The following PCDHGA1 variants were observed in gnomAD, a reference collection of about 807,000 sequenced individuals.
PCDHGA1 encodes the protein protocadherin gamma subfamily A, 1.
PCDHGA1 carries 32 observed loss-of-function variants against 58.0 expected under a neutral mutation model. The observed-to-expected ratio is 0.55, with a 90% confidence interval of 0.42 to 0.74. The LOEUF (loss-of-function observed/expected upper bound fraction) is 0.74. PCDHGA1 is among the 30% of genes least tolerant of loss of function. The pLI is 0.00. For missense variants in PCDHGA1, 1,205 were observed against 1,182.3 expected (o/e 1.02, Z -0.28); for synonymous variants, 498 against 501.1 (o/e 0.99, Z 0.08).
At position 141,400,611 on chromosome 5, in the gene PCDHGA1, G is replaced by A. The variant is rs555600694; in HGVS notation, c.2421+67506G>A. The A allele has an allele frequency of 1.3e-5, 20 of 1,573,002 alleles. No homozygotes were observed. In the African/African-American group the frequency reaches 2.4e-4, roughly 19 times the overall value. On this transcript the variant is annotated intron_variant, in intron 1 of 3. Coordinates refer to ENST00000517417, the MANE Select transcript of PCDHGA1 (RefSeq NM_018912.3). The stretch of plus-strand genomic sequence containing the variant: ...ACTATCGTACATTTTCAAGTCCAAT[G>A]AGTTGTCTTAGGGAAGTCAGAGCTG...
intron 1 of PCDHGA1, chr5:141,419,158 C>T (rs757849297): frequency 5.0e-6 from 8 of 1,613,950 alleles, no homozygotes; most frequent in Admixed American, 1.7e-5. Context: ...CTCCGTTATC[C>T]TCCAGCAAAA....
chr5:141,387,813 A>T, intron 1 of PCDHGA1: 6 of 1,531,348 alleles, frequency 3.9e-6, no homozygotes, highest in Non-Finnish European at 5.3e-6. Flanking sequence ...GAGATCCAAA[A>T]ATCTGCAATA....
chr5:141,423,327 A>C, intron 1 of PCDHGA1: 1 of 1,614,100 alleles, frequency 6.2e-7, no homozygotes, highest in Non-Finnish European at 8.5e-7. Context: ...CGGTGGCCGC[A>C]GTCTCCTGCA....
intron 1 of PCDHGA1, chr5:141,366,310 C>A: frequency 6.2e-7 from 1 of 1,613,772 alleles, no homozygotes; most frequent in East Asian, 2.2e-5. Flanking sequence ...CCTTCACGGT[C>A]ACCGTTGCCG....
At chr5:141,371,509 A>G (rs768507307) in intron 1 of PCDHGA1, 3 of 1,613,878 alleles carry the variant, frequency 1.9e-6, no homozygotes, top group South Asian at 2.2e-5. Context: ...ATCAAAACAC[A>G]TGATCTAGAT....
At chr5:141,440,763 T>A (rs2098198978) in intron 1 of PCDHGA1, 1 of 152,138 alleles carries the variant, frequency 6.6e-6, no homozygotes, top group Admixed American at 6.6e-5. Flanking sequence ...AGAGCTCCCA[T>A]CCCTTAGTGC....
intron 1 of PCDHGA1, among the ~76,000 whole-genome samples, chr5:141,425,997 A>T (rs1365887915): frequency 6.6e-6 from 1 of 152,174 alleles, no homozygotes; most frequent in African/African-American, 2.4e-5. Context: ...GAATTAGCAA[A>T]GGCTTCCGGC....
intron 1 of PCDHGA1, chr5:141,388,607 G>A (rs943233962): frequency 6.2e-7 from 1 of 1,613,904 alleles, no homozygotes; most frequent in Non-Finnish European, 8.5e-7. Context: ...ATGCTCCAGT[G>A]TTCAGTCAAG....
At chr5:141,433,662 C>T (rs1377052782) in intron 1 of PCDHGA1, among the ~76,000 whole-genome samples, 1 of 151,950 alleles carries the variant, frequency 6.6e-6, no homozygotes, top group Non-Finnish European at 1.5e-5. Context: ...ATGGAGAAAC[C>T]CCGTCTATAC....
At chr5:141,375,187 T>A in intron 1 of PCDHGA1, 1 of 1,613,994 alleles carries the variant, frequency 6.2e-7, no homozygotes, top group Non-Finnish European at 8.5e-7. Flanking sequence ...TAATCGCCCT[T>A]TTTCAAGTGT....
Position 141,486,070 on chromosome 5 carries a change from T to C in PCDHGA1, c.2422-8737T>C. ...ACCTCTTTAGCCTGCACCCCACTAC[T>C]GGAAAGCTTACTCTTTTGGGGCCCC... On this transcript the variant is annotated intron_variant, in intron 1 of 3. Coordinates refer to ENST00000517417, the MANE Select transcript of PCDHGA1 (RefSeq NM_018912.3). The surrounding 1 kb of genome is among the most constrained non-coding windows in gnomAD (Gnocchi z 5.0). 6.2e-7 allele frequency: 1 copy of C among 1,614,158 alleles called. No homozygotes were observed. The highest frequency in any genetic ancestry group is 8.5e-7 in the Non-Finnish European group (1 of 1,180,010).
chr5:141,436,600 G>C (rs1054182433), intron 1 of PCDHGA1, among the ~76,000 whole-genome samples: 2 of 152,154 alleles, frequency 1.3e-5, no homozygotes, highest in African/African-American at 2.4e-5. Context: ...CGTGGTGATG[G>C]CTAGGGCTAA....
rs1033888717 is a variant in PCDHGA1 at position 141,512,540 on chromosome 5, T to C, written c.*1367T>C. 6.5e-6 allele frequency: 1 copy of C among 152,886 alleles called. No homozygotes were observed. Among genetic ancestry groups the C allele is most frequent in the African/African-American group, 2.4e-5 (1 of 41,476 alleles). 9.5% of individuals were successfully genotyped at this position (152,886 alleles called of 1,614,324 possible). ...CCATAGCCTGGTTAAAGTTCCCCAGTGCCTCCTTGTGCATAGACCTTCTTC... is the reference window on the plus strand; with the variant it reads ...CCATAGCCTGGTTAAAGTTCCCCAGCGCCTCCTTGTGCATAGACCTTCTTC... On this transcript the variant is annotated 3_prime_UTR_variant, in exon 4 of 4. Transcript: ENST00000517417.
intron 1 of PCDHGA1, among the ~76,000 whole-genome samples, chr5:141,401,772 G>T (rs756327304): frequency 6.6e-6 from 1 of 152,126 alleles, no homozygotes; most frequent in Non-Finnish European, 1.5e-5. Context: ...TAAGTCTTTT[G>T]CTTGGTTTCC....
At chr5:141,393,378 G>C in intron 1 of PCDHGA1, 1 of 1,613,982 alleles carries the variant, frequency 6.2e-7, no homozygotes, top group Non-Finnish European at 8.5e-7. Flanking sequence ...AGACAATGGA[G>C]CCATAAACCC....
chr5:141,386,521 A>AG (rs1458324675), intron 1 of PCDHGA1, among the ~76,000 whole-genome samples: 1 of 232 alleles, frequency 4.3e-3, no homozygotes, highest in Non-Finnish European at 0.011. Context: ...TCAAAAAAAG[A>AG]CTCTTTTTAG....
chr5:141,485,546 G>C lies in PCDHGA1; in HGVS notation c.2422-9261G>C. The C allele has an allele frequency of 6.2e-7, 1 of 1,614,074 alleles. No individual in the cohort carries two copies. ...GTACCGAGCAGAGGTAGAGATCGTA[G>C]ATGTGAATGATCACGCCCCCCGTTT... is the stretch of plus-strand genomic sequence containing the variant. On this transcript the variant is annotated intron_variant, in intron 1 of 3. Coordinates refer to ENST00000517417, the MANE Select transcript of PCDHGA1 (RefSeq NM_018912.3). The surrounding 1 kb of genome is among the most constrained non-coding windows in gnomAD (Gnocchi z 5.7).
chr5:141,449,774 A>G (rs541830970), intron 1 of PCDHGA1, among the ~76,000 whole-genome samples: 2 of 151,714 alleles, frequency 1.3e-5, no homozygotes, highest in African/African-American at 4.8e-5. Flanking sequence ...AAGTTGTAGA[A>G]ATTATGTTTC....
Position 141,510,964 on chromosome 5 carries a change from T to C in PCDHGA1, c.2587T>C (p.Ser863Pro), listed in dbSNP as rs1237904575. 6.2e-7 allele frequency: 1 copy of C among 1,614,084 alleles called. No individual in the cohort carries two copies. Among genetic ancestry groups the C allele is most frequent in the South Asian group, 1.1e-5 (1 of 91,082 alleles). The change falls in exon 4 of 4, where the codon TCC becomes CCC. Residue 863 changes from serine to proline, a missense_variant. Coordinates refer to ENST00000517417, the MANE Select transcript of PCDHGA1 (RefSeq NM_018912.3). ...CTCTGCAGAAGCTGCTGATGGGAGC[T>C]CCACCCTGGGAGGGGGTGCCGGCAC... is the stretch of plus-strand genomic sequence containing the variant. The part of the protein sequence containing the change: ...ASASEAADGS[S>P]TLGGGAGTMG...
Sources: allele counts gnomAD v4.1 joint callset (sites outside exome capture counted in the v4.1 genomes callset), GRCh38; gene constraint gnomAD v4.1.1; non-coding constraint Gnocchi (gnomAD v3.1); transcripts MANE v1.5; gene names NCBI Gene and HGNC (gene_info 2026-07-23, HGNC 2026-07-21).